TBC1D1: variants seen among roughly 807,000 people sequenced by gnomAD.
TBC1D1 encodes the protein TBC1 (tre-2/USP6, BUB2, cdc16) domain family, member 1.
Under a neutral mutation model 125.6 loss-of-function variants are expected in TBC1D1, and 89 were observed. The observed-to-expected ratio is 0.71, with a 90% CI of 0.60 to 0.85. TBC1D1 has a LOEUF of 0.85. Among genes scored for constraint, TBC1D1 ranks in the 40% least tolerant of loss-of-function variants. The pLI is 0.00. For missense variants in TBC1D1, 1,377 were observed against 1,469.2 expected (o/e 0.94, Z 1.03); for synonymous variants, 565 against 564.1 (o/e 1.00, Z -0.02).
At chr4:38,102,497 G>A (rs1331692356) in intron 14 of TBC1D1, among the ~76,000 whole-genome samples, 1 of 152,124 alleles carries the variant, frequency 6.6e-6, no homozygotes, top group Non-Finnish European at 1.5e-5. Flanking sequence ...CCAGGGAAGT[G>A]AGGGGAGAAT....
chr4:37,980,134 T>C (rs1258648844), intron 2 of TBC1D1, among the ~76,000 whole-genome samples: 1 of 152,184 alleles, frequency 6.6e-6, no homozygotes, highest in Non-Finnish European at 1.5e-5. Flanking sequence ...ATATTGAATG[T>C]GTAGAGTGGG....
intron 2 of TBC1D1, among the ~76,000 whole-genome samples, chr4:37,946,710 G>A (rs1726762804): frequency 6.6e-6 from 1 of 152,170 alleles, no homozygotes; most frequent in Non-Finnish European, 1.5e-5. Flanking sequence ...GTGGCAGCAG[G>A]GACTGGGGCT....
intron 12 of TBC1D1, among the ~76,000 whole-genome samples, chr4:38,085,268 T>C (rs1166417256): frequency 6.6e-6 from 1 of 152,242 alleles, no homozygotes; most frequent in African/African-American, 2.4e-5. Flanking sequence ...TCCTGAATTA[T>C]GACTGGTTTT....
At chr4:38,052,728 G>GCCCA (rs1491148206) in intron 11 of TBC1D1, among the ~76,000 whole-genome samples, 1 of 118,276 alleles carries the variant, frequency 8.5e-6, no homozygotes, top group Non-Finnish European at 1.7e-5. Context: ...GCGCGCGCGC[G>GCCCA]CACACACACA....
chr4:38,116,973 C>G (rs1763083781), intron 16 of TBC1D1, among the ~76,000 whole-genome samples: 1 of 152,214 alleles, frequency 6.6e-6, no homozygotes. Flanking sequence ...AACTCATTCA[C>G]TGAAAGATTT....
intron 2 of TBC1D1, among the ~76,000 whole-genome samples, chr4:37,975,244 G>C (rs1304231280): frequency 6.6e-6 from 1 of 152,248 alleles, no homozygotes; most frequent in Non-Finnish European, 1.5e-5. Context: ...GAGGCAGAGA[G>C]AGAGAGAAGA....
chr4:38,077,260 A>G (rs1016910198), intron 12 of TBC1D1, among the ~76,000 whole-genome samples: 1 of 152,250 alleles, frequency 6.6e-6, no homozygotes, highest in Non-Finnish European at 1.5e-5. Flanking sequence ...AAGTGGATCA[A>G]ATGCTAGACA....
chr4:38,030,932 G>C (rs1746001414), intron 7 of TBC1D1, among the ~76,000 whole-genome samples: 1 of 152,196 alleles, frequency 6.6e-6, no homozygotes, highest in Admixed American at 6.5e-5. Flanking sequence ...CTGTGTAAAC[G>C]ATGCTGGAGG....
chr4:38,037,931 A>G (rs762987176), intron 8 of TBC1D1, among the ~76,000 whole-genome samples: 1 of 152,230 alleles, frequency 6.6e-6, no homozygotes, highest in East Asian at 1.9e-4. Flanking sequence ...GTTTTAGTCA[A>G]TGGACTTGTC....
At chr4:37,964,378 G>A (rs1053067876) in intron 2 of TBC1D1, among the ~76,000 whole-genome samples, 5 of 152,146 alleles carry the variant, frequency 3.3e-5, no homozygotes, top group African/African-American at 9.7e-5. Context: ...TCTAAACCTC[G>A]TGCTAGATCC....
chr4:37,999,555 C>T (rs996255458), intron 2 of TBC1D1, among the ~76,000 whole-genome samples: 2 of 152,000 alleles, frequency 1.3e-5, no homozygotes, highest in Non-Finnish European at 2.9e-5. Context: ...AGGGCTATGA[C>T]AGGTGTTACA....
At chr4:37,953,778 G>A (rs1334212522) in intron 2 of TBC1D1, among the ~76,000 whole-genome samples, 1 of 152,142 alleles carries the variant, frequency 6.6e-6, no homozygotes, top group African/African-American at 2.4e-5. Context: ...TGGTTACTGT[G>A]GTTAGCTTGG....
chr4:37,912,157 C>T (rs1718759247), intron 2 of TBC1D1, among the ~76,000 whole-genome samples: 1 of 152,216 alleles, frequency 6.6e-6, no homozygotes, highest in Non-Finnish European at 1.5e-5. Context: ...ACTAAAGTCG[C>T]TCCTAAATTC....
chr4:37,906,164 T>C (rs906639784), intron 2 of TBC1D1, among the ~76,000 whole-genome samples: 1 of 151,064 alleles, frequency 6.6e-6, no homozygotes, highest in Non-Finnish European at 1.5e-5. Context: ...TCCCCCCCGC[T>C]TGAGACACAG....
intron 13 of TBC1D1, among the ~76,000 whole-genome samples, chr4:38,091,624 A>G (rs936302493): frequency 9.2e-5 from 14 of 152,258 alleles, no homozygotes; most frequent in African/African-American, 2.2e-4. Flanking sequence ...AATGACAGCC[A>G]TGTAAAATCA....
intron 2 of TBC1D1, among the ~76,000 whole-genome samples, chr4:37,962,400 G>A (rs1395787963): frequency 2.0e-5 from 3 of 152,206 alleles, no homozygotes; most frequent in Non-Finnish European, 4.4e-5. Flanking sequence ...AAGTATTACT[G>A]GAGTCAGACT....
chr4:37,960,659 A>G, intron 2 of TBC1D1: 2 of 1,614,230 alleles, frequency 1.2e-6, no homozygotes, highest in Non-Finnish European at 1.7e-6. Context: ...AAAAGTCAGT[A>G]AAGACCAATG....
chr4:38,133,152 A>T lies in TBC1D1; in HGVS notation c.3201A>T (p.Glu1067Asp). 6.2e-7 allele frequency: 1 copy of T among 1,614,238 alleles called. No individual in the cohort carries two copies. The highest frequency in any genetic ancestry group is 8.5e-7 in the Non-Finnish European group (1 of 1,180,026). Residue 1067 changes from glutamate to aspartate, a missense_variant, in exon 19 of 20, where the codon GAA (glutamate) becomes GAT (aspartate). This residue lies in a region of TBC1D1 where 543 missense variants were observed against 613.5 expected (regional missense o/e 0.89). Transcript: ENST00000261439. ...TTGAGTACCACGTCCTTCAAGAAGA[A>T]CTTATCGATTCCTCTCCTCTCAGTG...
rs1250713263 is a variant in TBC1D1 at position 38,063,090 on chromosome 4, C to T, written c.2050+8752C>T. Among the ~76,000 whole-genome samples, 5 of 152,206 alleles carry T rather than the reference C, an allele frequency of 3.3e-5. No homozygotes were observed. In the South Asian group the frequency reaches 6.2e-4, roughly 19 times the overall value. On this transcript the variant is annotated intron_variant, in intron 12 of 19. Transcript: ENST00000261439. ...AAAGTGAGTGATCTTGATCTGTTAA[C>T]CTTTGAATTTTAACCTATACCAGGG...
Sources: gnomAD v4.1 joint callset for allele counts (sites outside exome capture counted in the v4.1 genomes callset) on GRCh38, gnomAD v4.1.1 for gene constraint, gnomAD v4.1.1 regional missense constraint, MANE v1.5 for transcripts, NCBI Gene and HGNC (gene_info 2026-07-23, HGNC 2026-07-21) for gene names.